Variants in PRSS23 observed in about 807,000 individuals in gnomAD.
PRSS23 encodes the protein protease, serine 23.
A neutral mutation model predicts 34.7 loss-of-function variants in PRSS23; 25 were observed. That is an observed-to-expected ratio of 0.72 (90% CI 0.53 to 1.01). The LOEUF (loss-of-function observed/expected upper bound fraction) is 1.01. Ranked by LOEUF, PRSS23 falls within the 50% of genes least tolerant of loss-of-function variation. The pLI, the probability that PRSS23 is intolerant of heterozygous loss-of-function variation, is 0.00. For synonymous variants in PRSS23, 176 were observed against 186.6 expected (o/e 0.94, Z 0.46); for missense variants, 445 against 475.6 (o/e 0.94, Z 0.60).
At chr11:86,835,147 T>G in intron 2 of PRSS23, among the ~76,000 whole-genome samples, 1 of 152,218 alleles carries the variant, frequency 6.6e-6, no homozygotes, top group Non-Finnish European at 1.5e-5. Context: ...TAATAGAGCC[T>G]GATATTTAAG....
chr11:86,922,674 G>T (rs1169593182), intron 2 of PRSS23, among the ~76,000 whole-genome samples: 1 of 152,098 alleles, frequency 6.6e-6, no homozygotes, highest in South Asian at 2.1e-4. Flanking sequence ...ATTCTCTAGA[G>T]AATTTTTTTC....
chr11:86,907,477 G>C lies in PRSS23; in HGVS notation c.207-43739G>C, dbSNP rs948738. The stretch of plus-strand genomic sequence containing the variant: ...ATCTATCCTCTTAACAATTTTTTGT[G>C]TTTTTTTGAGACAGGGTATCACTCT... On this transcript the variant is annotated intron_variant, in intron 2 of 2. Transcript: ENST00000533902. 3.9e-5 allele frequency among the ~76,000 whole-genome samples: 5 copies of C among 127,662 alleles called. No individual in the cohort carries two copies. The South Asian group carries it at 1.2e-3, about 30-fold the overall frequency. 83.8% of individuals were successfully genotyped at this position (127,662 alleles called of 152,430 possible). A position where few individuals can be genotyped will look rare whatever the true frequency, so the allele number is the denominator to read the frequency against.
intron 2 of PRSS23, among the ~76,000 whole-genome samples, chr11:86,862,275 T>C (rs143024258): frequency 7.9e-5 from 12 of 152,074 alleles, no homozygotes; most frequent in African/African-American, 2.2e-4. Context: ...CCTTGGGGTA[T>C]GTTACTCCTC....
chr11:86,877,758 G>C (rs1192110697), intron 2 of PRSS23, among the ~76,000 whole-genome samples: 1 of 151,578 alleles, frequency 6.6e-6, no homozygotes, highest in Admixed American at 6.6e-5. Flanking sequence ...AAATCAGGAA[G>C]TGTGAACTCT....
At chr11:86,881,991 T>G (rs370538047) in intron 2 of PRSS23, among the ~76,000 whole-genome samples, 3 of 152,352 alleles carry the variant, frequency 2.0e-5, no homozygotes, top group African/African-American at 7.2e-5. Flanking sequence ...CTTCTCTCTT[T>G]TGTTCATGGT....
In PRSS23 at chr11:86,824,361, A is replaced by AAAATAAAATAAAAT. The variant is rs1193672467; in HGVS notation, c.206+780_206+781insATAAATAAAATAAA. ...AAAATAAAATAAAATAAAATAAAAT[A>AAAATAAAATAAAAT]AAATAAAATAAATAAAATAAAAAAA... On this transcript the variant is annotated intron_variant, in intron 2 of 2. Transcript: ENST00000533902. Among the ~76,000 whole-genome samples, 117 of 149,336 alleles carry AAAATAAAATAAAAT rather than the reference A, an allele frequency of 7.8e-4. 1 individual carries two copies. Among genetic ancestry groups the AAAATAAAATAAAAT allele is most frequent in the African/African-American group, 2.7e-3 (109 of 40,968 alleles).
chr11:86,891,163 C>T (rs10898548), intron 2 of PRSS23, among the ~76,000 whole-genome samples: 14,197 of 152,102 alleles, frequency 0.093, 721 homozygotes, highest in East Asian at 0.19. Context: ...CATTTACAGC[C>T]GGCTCTCCAC....
At chr11:86,919,130 A>G (rs939864752) in intron 2 of PRSS23, among the ~76,000 whole-genome samples, 1 of 152,172 alleles carries the variant, frequency 6.6e-6, no homozygotes, top group African/African-American at 2.4e-5. Flanking sequence ...TCTGCCTCAT[A>G]GCTTCCCATC....
intron 2 of PRSS23, among the ~76,000 whole-genome samples, chr11:86,930,714 T>C (rs1056380604): frequency 1.3e-4 from 19 of 148,624 alleles, no homozygotes; most frequent in African/African-American, 3.5e-4. Context: ...GGTGTGAACC[T>C]GGGAGGCGGA....
Position 86,808,370 on chromosome 11 carries a change from A to G in PRSS23, c.727A>G (p.Met243Val), listed in dbSNP as rs776405498. 11 of 1,614,104 alleles carry G rather than the reference A, an allele frequency of 6.8e-6. No individual in the cohort carries two copies. The highest frequency in any genetic ancestry group is 1.3e-5 in the African/African-American group (1 of 74,948). Residue 243 changes from methionine to valine, a missense_variant, in exon 2 of 2, where the codon ATG (methionine) becomes GTG (valine). Transcript: ENST00000280258. The stretch of plus-strand genomic sequence containing the variant: ...CAAGGGCAATGCCAATGACATCGGC[A>G]TGGATTATGATTATGCCCTCCTGGA... Reference protein sequence around the residue: ...WIKGNANDIGMDYDYALLELK... With the variant: ...WIKGNANDIGVDYDYALLELK...
intron 2 of PRSS23, chr11:86,950,423 G>A (rs1282355174): frequency 1.3e-5 from 2 of 152,610 alleles, no homozygotes; most frequent in East Asian, 1.9e-4. Context: ...GAAGAAAACA[G>A]CAGCAGCCAA....
chr11:86,828,624 G>C (rs540054578), intron 2 of PRSS23, among the ~76,000 whole-genome samples: 3 of 152,104 alleles, frequency 2.0e-5, no homozygotes, highest in Admixed American at 2.0e-4. Flanking sequence ...ATTTTGCAGC[G>C]GCTGGTACCG....
intron 2 of PRSS23, among the ~76,000 whole-genome samples, chr11:86,893,792 G>A (rs936536798): frequency 2.0e-5 from 3 of 151,934 alleles, no homozygotes; most frequent in Admixed American, 1.3e-4. Flanking sequence ...ATGAATACAC[G>A]TCAAAGATTT....
chr11:86,922,404 G>C (rs1949052416), intron 2 of PRSS23, among the ~76,000 whole-genome samples: 1 of 152,116 alleles, frequency 6.6e-6, no homozygotes, highest in Non-Finnish European at 1.5e-5. Flanking sequence ...GGGAGGCTGA[G>C]ACGGGAGGAC....
chr11:86,804,899 A>T (rs1948081399), intron 1 of PRSS23, among the ~76,000 whole-genome samples: 2 of 152,336 alleles, frequency 1.3e-5, no homozygotes, highest in South Asian at 4.1e-4. Context: ...ATGATAATAC[A>T]TACTATAATA....
At chr11:86,821,556 C>T in intron 1 of PRSS23, 1 of 1,610,984 alleles carries the variant, frequency 6.2e-7, no homozygotes, top group Non-Finnish European at 8.5e-7. Context: ...GGATGGCATT[C>T]ACTCTGAAGT....
At chr11:86,797,474 G>C (rs527995598), upstream of PRSS23, among the ~76,000 whole-genome samples, 9 of 152,312 alleles carry the variant, frequency 5.9e-5, no homozygotes, top group African/African-American at 2.2e-4. Flanking sequence ...CTGAGCCCCC[G>C]TGGGACATCT....
chr11:86,818,173 T>C (rs1037005495), intron 1 of PRSS23, among the ~76,000 whole-genome samples: 2 of 152,226 alleles, frequency 1.3e-5, no homozygotes, highest in African/African-American at 4.8e-5. Flanking sequence ...TGCACATATC[T>C]GCAAAGCTGT....
intron 2 of PRSS23, among the ~76,000 whole-genome samples, chr11:86,864,588 A>T (rs973474228): frequency 6.6e-6 from 1 of 152,258 alleles, no homozygotes; most frequent in Non-Finnish European, 1.5e-5. Flanking sequence ...TCATCTGGCA[A>T]TTAGCAAAAT....
Sources: allele counts gnomAD v4.1 joint callset (sites outside exome capture counted in the v4.1 genomes callset), GRCh38; gene constraint gnomAD v4.1.1; transcripts MANE v1.5; gene names NCBI Gene and HGNC (gene_info 2026-07-23, HGNC 2026-07-21).